The following NSMCE2 variants were observed in gnomAD, a reference collection of about 807,000 sequenced individuals.
The protein encoded by NSMCE2 is E3 SUMO-protein ligase NSE2.
A neutral mutation model predicts 23.8 loss-of-function variants in NSMCE2; 24 were observed. The observed-to-expected ratio is 1.01, with a 90% CI of 0.73 to 1.42. The LOEUF (loss-of-function observed/expected upper bound fraction) is 1.42, where lower values mean the gene tolerates loss of function less well. Among genes scored for constraint, NSMCE2 ranks in the 40% most tolerant of loss-of-function variants. The pLI is 0.00. For synonymous variants in NSMCE2, 92 were observed against 94.1 expected (o/e 0.98, Z 0.13); for missense variants, 284 against 296.5 (o/e 0.96, Z 0.31).
rs1256286842 is a variant in NSMCE2, at chr8:125,122,926, A to G, written c.157+20439A>G. Among the ~76,000 whole-genome samples the G allele has an allele frequency of 2.0e-5, 3 of 152,310 alleles. No individual in the cohort carries two copies. In the South Asian group the frequency reaches 6.2e-4, roughly 32 times the overall value. ...GCCATTTTCACTCAAAAGCAGCCAT[A>G]AACAATATGTAAACAAATGGATGTG... On this transcript the variant is annotated intron_variant, in intron 3 of 7. Transcript: ENST00000287437.
chr8:125,137,300 C>G (rs548838793), intron 3 of NSMCE2, among the ~76,000 whole-genome samples: 10 of 152,218 alleles, frequency 6.6e-5, no homozygotes, highest in Admixed American at 5.2e-4. Flanking sequence ...ATAATCTAAT[C>G]AACTTCTTGT....
At chr8:125,335,787 T>A (rs191307944) in intron 5 of NSMCE2, among the ~76,000 whole-genome samples, 1 of 152,318 alleles carries the variant, frequency 6.6e-6, no homozygotes, top group East Asian at 1.9e-4. Context: ...TCATTTATAG[T>A]AAGAGTTACT....
rs548009890 is a variant in NSMCE2 at position 125,315,292 on chromosome 8, C to G, written c.419-41927C>G. On this transcript the variant is annotated intron_variant, in intron 5 of 7. Coordinates refer to ENST00000287437, the MANE Select transcript of NSMCE2 (RefSeq NM_173685.4). Reference sequence around the variant, plus strand: ...AGACCTGGTTGGGCCTTAGGCTGTTCCTTTACCTCAAAGCCCCAGCTTCCA... The same window carrying G: ...AGACCTGGTTGGGCCTTAGGCTGTTGCTTTACCTCAAAGCCCCAGCTTCCA... 1.1e-4 allele frequency among the ~76,000 whole-genome samples: 16 copies of G among 152,180 alleles called. No individual in the cohort carries two copies. In the South Asian group the frequency reaches 3.3e-3, roughly 32 times the overall value.
At chr8:125,353,275 CTTTTA>C (rs1813113611) in intron 5 of NSMCE2, among the ~76,000 whole-genome samples, 5 of 152,314 alleles carry the variant, frequency 3.3e-5, no homozygotes, top group South Asian at 4.1e-4. Flanking sequence ...GAAAGAGCTA[CTTTTA>C]TTTTTACTCT....
At chr8:125,151,830 C>T (rs1384398823) in intron 4 of NSMCE2, among the ~76,000 whole-genome samples, 1 of 152,150 alleles carries the variant, frequency 6.6e-6, no homozygotes, top group African/African-American at 2.4e-5. Flanking sequence ...ATAGCAACAT[C>T]CTTTTCAGTA....
chr8:125,316,700 TTCCTTCC>T (rs1420876587), intron 5 of NSMCE2, among the ~76,000 whole-genome samples: 5 of 65,666 alleles, frequency 7.6e-5, no homozygotes, highest in Non-Finnish European at 2.3e-4. Context: ...CCTTCTTTCC[TTCCTTCC>T]TTCTTTCCTT....
intron 5 of NSMCE2, among the ~76,000 whole-genome samples, chr8:125,210,804 T>A (rs569689948): frequency 8.6e-4 from 131 of 152,240 alleles, no homozygotes; most frequent in African/African-American, 3.1e-3. Context: ...CACTGCAACC[T>A]CCACCTCTGG....
At chr8:125,213,488 TCC>T (rs1160064713) in intron 5 of NSMCE2, among the ~76,000 whole-genome samples, 1 of 20,264 alleles carries the variant, frequency 4.9e-5, no homozygotes, top group Non-Finnish European at 8.5e-5. Context: ...CACCCATGTC[TCC>T]TCTCCTCTCC....
chr8:125,305,802 T>C (rs1828731852), intron 5 of NSMCE2, among the ~76,000 whole-genome samples: 1 of 152,226 alleles, frequency 6.6e-6, no homozygotes, highest in African/African-American at 2.4e-5. Context: ...TATAAATTTT[T>C]AGTCAGCTGG....
chr8:125,298,688 T>G (rs907870012), intron 5 of NSMCE2, among the ~76,000 whole-genome samples: 2 of 62,544 alleles, frequency 3.2e-5, no homozygotes, highest in East Asian at 4.1e-4. Flanking sequence ...CATCTGTGGG[T>G]TTTTTTTTGT....
chr8:125,125,702 T>A (rs113281284), intron 3 of NSMCE2, among the ~76,000 whole-genome samples: 1 of 152,216 alleles, frequency 6.6e-6, no homozygotes, highest in South Asian at 2.1e-4. Context: ...TGTCAAGATC[T>A]GTGAAAGCTA....
rs1436712598 is a variant in NSMCE2, at chr8:125,151,153, A to T, written c.158-18A>T. The T allele has an allele frequency of 7.2e-7, 1 of 1,393,104 alleles. No homozygotes were observed. Among genetic ancestry groups the T allele is most frequent in the East Asian group, 2.3e-5 (1 of 43,358 alleles). The allele number at this position is 1,393,104 out of a possible 1,614,324, so 86.3% of individuals were successfully genotyped here. ...ATTTTAAATGGAAAATAATAATTGC[A>T]ATTTTTTTTTCTTTCAGCTGAAGTG... On this transcript the variant is annotated intron_variant, in intron 3 of 7. Coordinates refer to ENST00000287437, the MANE Select transcript of NSMCE2 (RefSeq NM_173685.4).
chr8:125,349,547 A>T (rs1044480071), intron 5 of NSMCE2, among the ~76,000 whole-genome samples: 2 of 151,694 alleles, frequency 1.3e-5, no homozygotes, highest in Non-Finnish European at 1.5e-5. Flanking sequence ...CCAGGAGTTC[A>T]AGACCAGCCT....
rs142904846 is a variant in NSMCE2, at chr8:125,309,180, A to C, written c.419-48039A>C. ...GAGAGAATCGCTTGAACCTAGAGGCAGAGGTTGCAATGAGCCGAGATCACG... is the reference window on the plus strand; with the variant it reads ...GAGAGAATCGCTTGAACCTAGAGGCCGAGGTTGCAATGAGCCGAGATCACG... On this transcript the variant is annotated intron_variant, in intron 5 of 7. Transcript: ENST00000287437. Among the ~76,000 whole-genome samples, 1,311 of 151,034 alleles carry C rather than the reference A, an allele frequency of 8.7e-3. 21 individuals are homozygous for C. The highest frequency in any genetic ancestry group is 0.029 in the African/African-American group (1,202 of 41,056).
chr8:125,170,078 A>G (rs1303041472), intron 4 of NSMCE2, among the ~76,000 whole-genome samples: 2 of 149,442 alleles, frequency 1.3e-5, no homozygotes, highest in East Asian at 3.9e-4. Flanking sequence ...GAAGTTAATC[A>G]TTTTTCATAG....
At chr8:125,325,983 C>A (rs772035623) in intron 5 of NSMCE2, among the ~76,000 whole-genome samples, 1 of 150,170 alleles carries the variant, frequency 6.7e-6, no homozygotes, top group Non-Finnish European at 1.5e-5. Flanking sequence ...AATACCCGGG[C>A]GCGGTGGCTC....
intron 1 of NSMCE2, among the ~76,000 whole-genome samples, 172 bp downstream of exon 1, chr8:125,092,130 A>G (rs186695322): frequency 8.5e-5 from 13 of 152,322 alleles, no homozygotes; most frequent in African/African-American, 1.2e-4. Context: ...CCGAGACGCC[A>G]TCTCTCCATC....
chr8:125,221,625 C>T (rs1173466828), intron 5 of NSMCE2, among the ~76,000 whole-genome samples: 6 of 152,176 alleles, frequency 3.9e-5, no homozygotes. Flanking sequence ...TTTCAGACTT[C>T]AGGTTTTGGA....
chr8:125,115,186 A>G (rs1818942644), intron 3 of NSMCE2, among the ~76,000 whole-genome samples: 1 of 152,226 alleles, frequency 6.6e-6, no homozygotes, highest in Admixed American at 6.5e-5. Context: ...AAGCCACGGT[A>G]GGAATATTGA....
Sources: gnomAD v4.1 joint callset for allele counts (sites outside exome capture counted in the v4.1 genomes callset) on GRCh38, gnomAD v4.1.1 for gene constraint, MANE v1.5 for transcripts, NCBI Gene and HGNC (gene_info 2026-07-23, HGNC 2026-07-21) for gene names.